CLIC5: variants seen among roughly 807,000 people sequenced by gnomAD.
CLIC5 encodes the protein chloride intracellular channel protein 5.
CLIC5 carries 20 observed loss-of-function variants against 24.7 expected under a neutral mutation model. The ratio of observed to expected loss-of-function variants is 0.81; its 90% confidence interval spans 0.57 to 1.18. The LOEUF (loss-of-function observed/expected upper bound fraction) is 1.18, where lower values mean the gene tolerates loss of function less well. Among genes scored for constraint, CLIC5 ranks in the 50% most tolerant of loss-of-function variants. The pLI is 0.00. For missense variants in CLIC5, 341 were observed against 326.1 expected (o/e 1.05, Z -0.35); for synonymous variants, 159 against 135.6 (o/e 1.17, Z -1.20).
intron 1 of CLIC5, among the ~76,000 whole-genome samples, chr6:45,988,945 A>T (rs1765835749): frequency 6.6e-6 from 1 of 152,168 alleles, no homozygotes; most frequent in Non-Finnish European, 1.5e-5. Context: ...TCAGTCTATG[A>T]GGCTTGGGTT....
chr6:45,958,439 T>TATATACACACACACACACAC lies in CLIC5; in HGVS notation c.64-3196_64-3195insGTGTGTGTGTGTGTGTATAT, dbSNP rs1554151276. On this transcript the variant is annotated intron_variant, in intron 1 of 5. Coordinates refer to ENST00000339561, the MANE Select transcript of CLIC5 (RefSeq NM_016929.5). ...AAAGACAATTATATATATATATATA[T>TATATACACACACACACACAC]ATATATATATATATATATATATATA... is the stretch of plus-strand genomic sequence containing the variant. Among the ~76,000 whole-genome samples the TATATACACACACACACACAC allele has an allele frequency of 5.6e-4, 7 of 12,394 alleles. 1 individual carries two copies. Among genetic ancestry groups the TATATACACACACACACACAC allele is most frequent in the South Asian group, 3.5e-3 (1 of 288 alleles). 8.1% of individuals were successfully genotyped at this position (12,394 alleles called of 152,430 possible). A position where few individuals can be genotyped will look rare whatever the true frequency, so the allele number is the denominator to read the frequency against.
At chr6:46,095,368 C>T in the CLIC5 span, among the ~76,000 whole-genome samples, 24,399 of 152,146 alleles carry the variant, frequency 0.16, 2,195 homozygotes, top group South Asian at 0.34. Context: ...CTATAAATTT[C>T]CCAACTTTTA....
chr6:46,079,552 A>T, intron 1 of CLIC5: 1 of 657,232 alleles, frequency 1.5e-6, no homozygotes, highest in Non-Finnish European at 2.6e-6. Context: ...AGTACACTCT[A>T]ATGACTGATT....
the CLIC5 span, among the ~76,000 whole-genome samples, chr6:46,103,106 A>G: frequency 2.6e-5 from 4 of 152,108 alleles, no homozygotes; most frequent in African/African-American, 9.7e-5. Context: ...TCCATTTTAC[A>G]AGGAAAATAA....
chr6:45,949,778 T>C (rs1191033046), intron 2 of CLIC5, among the ~76,000 whole-genome samples: 1 of 152,208 alleles, frequency 6.6e-6, no homozygotes, highest in Non-Finnish European at 1.5e-5. Flanking sequence ...TTCCATACTT[T>C]AAAAATTAAT....
the CLIC5 span, among the ~76,000 whole-genome samples, chr6:46,125,766 A>G: frequency 6.6e-6 from 1 of 152,154 alleles, no homozygotes; most frequent in Non-Finnish European, 1.5e-5. Flanking sequence ...TTCCCTTTAC[A>G]GTGACAATGA....
chr6:46,034,048 T>G (rs983203594), intron 1 of CLIC5, among the ~76,000 whole-genome samples: 5 of 152,242 alleles, frequency 3.3e-5, no homozygotes, highest in African/African-American at 1.2e-4. Context: ...AAAGCTACTA[T>G]TGGAAATGAT....
At chr6:45,996,074 T>C (rs557603405) in intron 1 of CLIC5, among the ~76,000 whole-genome samples, 3 of 151,598 alleles carry the variant, frequency 2.0e-5, no homozygotes, top group African/African-American at 7.3e-5. Context: ...TGGCACATGT[T>C]TACCTATGTA....
exon 7 of CLIC5, chr6:45,881,086 G>A (rs1581701144): frequency 2.5e-6 from 1 of 398,292 alleles, no homozygotes; most frequent in Non-Finnish European, 4.4e-6. Flanking sequence ...AGAAATTTCA[G>A]TAGAAAGAAT....
chr6:45,896,837 G>T (rs564981711), downstream of CLIC5, among the ~76,000 whole-genome samples: 1 of 152,292 alleles, frequency 6.6e-6, no homozygotes, highest in African/African-American at 2.4e-5. Context: ...CTGGAGAGCA[G>T]ATGCCCTACA....
chr6:46,023,463 T>A (rs566669674), intron 1 of CLIC5, among the ~76,000 whole-genome samples: 1 of 152,342 alleles, frequency 6.6e-6, no homozygotes, highest in Non-Finnish European at 1.5e-5. Context: ...GAGGTTGGGA[T>A]GCTACTAGAA....
chr6:45,906,428 C>A (rs188953043), intron 5 of CLIC5, among the ~76,000 whole-genome samples: 1 of 152,046 alleles, frequency 6.6e-6, no homozygotes, highest in African/African-American at 2.4e-5. Flanking sequence ...GATTTTAACT[C>A]CCTGGTTAGA....
intron 4 of CLIC5, among the ~76,000 whole-genome samples, chr6:45,936,751 T>C (rs193103381): frequency 1.9e-3 from 282 of 152,236 alleles, no homozygotes; most frequent in Non-Finnish European, 3.1e-3. Flanking sequence ...AAACACAGCA[T>C]GTTTAGAAAC....
At chr6:45,884,639 A>G (rs571142234) in intron 6 of CLIC5, among the ~76,000 whole-genome samples, 4 of 152,322 alleles carry the variant, frequency 2.6e-5, no homozygotes, top group South Asian at 2.1e-4. Flanking sequence ...GAATTCAGTC[A>G]TGGAAGCTGG....
the CLIC5 span, among the ~76,000 whole-genome samples, chr6:46,116,352 G>A: frequency 6.6e-6 from 1 of 152,168 alleles, no homozygotes; most frequent in African/African-American, 2.4e-5. Flanking sequence ...TTGGGGGGAT[G>A]GTAAAAGTTA....
chr6:45,971,544 G>A (rs1223795862), intron 1 of CLIC5, among the ~76,000 whole-genome samples: 1 of 152,166 alleles, frequency 6.6e-6, no homozygotes, highest in African/African-American at 2.4e-5. Flanking sequence ...GATGCTACGT[G>A]ATGAACTTCG....
At chr6:46,106,840 T>C in the CLIC5 span, among the ~76,000 whole-genome samples, 1 of 152,250 alleles carries the variant, frequency 6.6e-6, no homozygotes, top group Non-Finnish European at 1.5e-5. Context: ...GCTTTACCTA[T>C]GTGAGAAAGA....
At chr6:45,893,144 C>A (rs1271025635) in intron 6 of CLIC5, among the ~76,000 whole-genome samples, 1 of 151,514 alleles carries the variant, frequency 6.6e-6, no homozygotes, top group African/African-American at 2.4e-5. Context: ...CATGCTTTTT[C>A]ACATTCATCA....
intron 1 of CLIC5, among the ~76,000 whole-genome samples, chr6:45,967,537 G>A (rs2127400169): frequency 6.6e-6 from 1 of 152,344 alleles, no homozygotes. Context: ...CCAGGCAGAA[G>A]TGATGGCATA....
Sources: gnomAD v4.1 joint callset for allele counts (sites outside exome capture counted in the v4.1 genomes callset) on GRCh38, gnomAD v4.1.1 for gene constraint, MANE v1.5 for transcripts, NCBI Gene and HGNC (gene_info 2026-07-23, HGNC 2026-07-21) for gene names.